Variants in PLXDC2 observed in about 807,000 individuals in gnomAD.
The protein encoded by PLXDC2 is plexin domain-containing protein 2.
PLXDC2 carries 40 observed loss-of-function variants against 68.9 expected under a neutral mutation model. The observed-to-expected ratio is 0.58, with a 90% CI of 0.45 to 0.76. The LOEUF (loss-of-function observed/expected upper bound fraction) is 0.76. PLXDC2 is among the 30% of genes least tolerant of loss of function. The pLI is 0.00. For synonymous variants in PLXDC2, 243 were observed against 234.2 expected (o/e 1.04, Z -0.34); for missense variants, 644 against 661.9 (o/e 0.97, Z 0.30).
intron 7 of PLXDC2, among the ~76,000 whole-genome samples, chr10:20,174,925 T>C (rs1320066730): frequency 6.6e-6 from 1 of 152,128 alleles, no homozygotes. Context: ...GGTAACTCAC[T>C]ATCATCTGGG....
intron 12 of PLXDC2, among the ~76,000 whole-genome samples, chr10:20,238,116 A>T (rs1386870833): frequency 6.6e-6 from 1 of 151,372 alleles, no homozygotes; most frequent in Non-Finnish European, 1.5e-5. Context: ...ATAGAGTTTT[A>T]AAATTAAATG....
chr10:19,986,296 A>T (rs1834638389), intron 1 of PLXDC2, among the ~76,000 whole-genome samples: 1 of 152,202 alleles, frequency 6.6e-6, no homozygotes, highest in Non-Finnish European at 1.5e-5. Flanking sequence ...GCATTCTCAG[A>T]ACAGACCTGA....
intron 9 of PLXDC2, among the ~76,000 whole-genome samples, chr10:20,183,094 TAA>T (rs909119953): frequency 7.2e-5 from 11 of 152,010 alleles, no homozygotes; most frequent in African/African-American, 2.4e-4. Context: ...GCACAAGAAA[TAA>T]AGACTAGGAT....
chr10:20,247,296 CA>C (rs77665495), intron 13 of PLXDC2, among the ~76,000 whole-genome samples: 217 of 96,474 alleles, frequency 2.2e-3, no homozygotes, highest in East Asian at 6.7e-3. Context: ...TTCATCTCTA[CA>C]AAAAAAAAAA....
intron 2 of PLXDC2, among the ~76,000 whole-genome samples, chr10:20,040,569 A>G (rs1307982555): frequency 2.6e-5 from 4 of 152,054 alleles, no homozygotes. Flanking sequence ...GCTGGAGGAT[A>G]CCCTTTCCAT....
At position 20,109,471 on chromosome 10, in the gene PLXDC2, A is replaced by G. The variant is rs186884989; in HGVS notation, c.542-33824A>G. On this transcript the variant is annotated intron_variant, in intron 4 of 13. Coordinates refer to ENST00000377252, the MANE Select transcript of PLXDC2 (RefSeq NM_032812.9). ...CTTATCTCTTAAACTGATACATTAC[A>G]TTATATTTCCAGTGATACACTGAAA... Among the ~76,000 whole-genome samples, 122 of 142,708 alleles carry G rather than the reference A, an allele frequency of 8.5e-4. No individual in the cohort carries two copies. In the East Asian group the frequency reaches 0.019, roughly 22 times the overall value. 93.6% of individuals were successfully genotyped at this position (142,708 alleles called of 152,430 possible). A position where few individuals can be genotyped will look rare whatever the true frequency, so the allele number is the denominator to read the frequency against.
intron 1 of PLXDC2, among the ~76,000 whole-genome samples, chr10:19,825,590 C>T (rs1388715010): frequency 6.6e-6 from 1 of 152,090 alleles, no homozygotes; most frequent in East Asian, 1.9e-4. Flanking sequence ...AGTAGTAACT[C>T]CTACCATTTT....
intron 13 of PLXDC2, among the ~76,000 whole-genome samples, chr10:20,261,153 C>T (rs1247323094): frequency 6.6e-6 from 1 of 152,166 alleles, no homozygotes; most frequent in East Asian, 1.9e-4. Context: ...GCTTCCTCTT[C>T]ATGTTGTTAC....
chr10:19,821,711 C>T (rs1194133379), intron 1 of PLXDC2, among the ~76,000 whole-genome samples: 3 of 152,280 alleles, frequency 2.0e-5, no homozygotes, highest in Admixed American at 2.0e-4. Context: ...TTTGTCCATC[C>T]CTAGGATAGA....
chr10:19,979,137 C>CAATG (rs1237960021), intron 1 of PLXDC2, among the ~76,000 whole-genome samples: 1 of 152,110 alleles, frequency 6.6e-6, no homozygotes. Context: ...CATTCATAAA[C>CAATG]TTCATTTGCT....
chr10:20,254,866 T>A (rs1047333282), intron 13 of PLXDC2, among the ~76,000 whole-genome samples: 1 of 152,192 alleles, frequency 6.6e-6, no homozygotes, highest in African/African-American at 2.4e-5. Context: ...TCACTGAATG[T>A]TTTTGAGACA....
At chr10:20,023,011 T>G (rs1005862941) in intron 2 of PLXDC2, among the ~76,000 whole-genome samples, 6 of 151,296 alleles carry the variant, frequency 4.0e-5, no homozygotes, top group Admixed American at 2.0e-4. Flanking sequence ...GGAGCCTGGA[T>G]ATTATTATAA....
At chr10:19,852,425 C>CAAAAAAAAAAAAAAAAAAAAAAAAAAAAA (rs61430454) in intron 1 of PLXDC2, among the ~76,000 whole-genome samples, 2 of 61,928 alleles carry the variant, frequency 3.2e-5, no homozygotes, top group Non-Finnish European at 2.9e-5. Context: ...GACCCTGTCT[C>CAAAAAAAAAAAAAAAAAAAAAAAAAAAAA]AAAAAAAAAA....
intron 1 of PLXDC2, among the ~76,000 whole-genome samples, chr10:19,937,712 TG>T (rs1833749790): frequency 6.6e-6 from 1 of 151,748 alleles, no homozygotes; most frequent in Admixed American, 6.6e-5. Flanking sequence ...ACAGGGATAA[TG>T]GAGGTTTCTT....
chr10:19,935,000 G>C (rs1276284568), intron 1 of PLXDC2, among the ~76,000 whole-genome samples: 1 of 152,152 alleles, frequency 6.6e-6, no homozygotes, highest in African/African-American at 2.4e-5. Flanking sequence ...TAATGCCCCA[G>C]GGCTGCCCCT....
intron 1 of PLXDC2, among the ~76,000 whole-genome samples, chr10:19,874,840 C>G (rs1252880414): frequency 6.6e-6 from 1 of 152,086 alleles, no homozygotes; most frequent in East Asian, 1.9e-4. Context: ...GGATATCTGG[C>G]CCGACTGTCA....
At chr10:20,202,440 T>A (rs937557720) in intron 9 of PLXDC2, among the ~76,000 whole-genome samples, 1 of 152,174 alleles carries the variant, frequency 6.6e-6, no homozygotes, top group East Asian at 1.9e-4. Flanking sequence ...TTTCACTATT[T>A]CCACATCTGC....
intron 1 of PLXDC2, among the ~76,000 whole-genome samples, chr10:19,877,372 C>A (rs1040914241): frequency 1.3e-5 from 2 of 152,130 alleles, no homozygotes; most frequent in African/African-American, 2.4e-5. Flanking sequence ...TTGTTCTTCG[C>A]CCCCATAACT....
chr10:20,067,568 TC>T (rs540923740), intron 3 of PLXDC2, among the ~76,000 whole-genome samples: 189 of 151,944 alleles, frequency 1.2e-3, no homozygotes, highest in African/African-American at 4.2e-3. Context: ...GCACCTGTAA[TC>T]CCAGCTACTT....
Sources: allele counts gnomAD v4.1 joint callset (sites outside exome capture counted in the v4.1 genomes callset), GRCh38; gene constraint gnomAD v4.1.1; transcripts MANE v1.5; gene names NCBI Gene and HGNC (gene_info 2026-07-23, HGNC 2026-07-21).